Variants in PHF21B observed in about 807,000 individuals in gnomAD.
PHF21B encodes the protein PHD finger protein 21B, also known as PHD finger protein 4.
A neutral mutation model predicts 62.2 loss-of-function variants in PHF21B; 22 were observed. The observed-to-expected ratio is 0.35, with a 90% CI of 0.25 to 0.51. The LOEUF (loss-of-function observed/expected upper bound fraction) is 0.51, where lower values mean the gene tolerates loss of function less well. Among genes scored for constraint, PHF21B ranks in the 20% least tolerant of loss-of-function variants. The probability of loss-of-function intolerance (pLI) is 0.97; values close to 1 mark genes in which losing one functional copy is unlikely to be tolerated. For synonymous variants in PHF21B, 341 were observed against 314.7 expected (o/e 1.08, Z -0.88); for missense variants, 701 against 707.9 (o/e 0.99, Z 0.11).
rs895023834 is a variant in PHF21B, at chr22:44,938,833, C to T, written c.121-18343G>A. Among the ~76,000 whole-genome samples the T allele has an allele frequency of 7.2e-5, 11 of 152,288 alleles. No individual in the cohort carries two copies. The South Asian group carries it at 1.0e-3, about 14-fold the overall frequency. On this transcript the variant is annotated intron_variant, in intron 2 of 12. Coordinates refer to ENST00000313237, the MANE Select transcript of PHF21B (RefSeq NM_138415.5). ...GAATATGGGGCAGGAAATCTGGATG[C>T]GCCATTATGGAAATAAATGCACTCT...
intron 6 of PHF21B, among the ~76,000 whole-genome samples, chr22:44,895,415 T>C (rs2071038748): frequency 6.6e-6 from 1 of 152,220 alleles, no homozygotes; most frequent in East Asian, 1.9e-4. Flanking sequence ...AGAGTCACAG[T>C]GCCCTGTCTG....
intron 2 of PHF21B, among the ~76,000 whole-genome samples, chr22:44,938,581 G>A (rs1408882590): frequency 6.6e-6 from 1 of 152,228 alleles, no homozygotes; most frequent in Non-Finnish European, 1.5e-5. Flanking sequence ...AACCCTCATA[G>A]AAAGGCAGGG....
intron 2 of PHF21B, among the ~76,000 whole-genome samples, chr22:44,959,001 C>T (rs2072362601): frequency 1.3e-5 from 2 of 151,986 alleles, no homozygotes; most frequent in South Asian, 2.1e-4. Context: ...GGTTCCATGG[C>T]CGGCCCCGCT....
intron 5 of PHF21B, among the ~76,000 whole-genome samples, chr22:44,902,960 G>A (rs1033712632): frequency 6.6e-5 from 10 of 152,158 alleles, no homozygotes; most frequent in African/African-American, 1.9e-4. Flanking sequence ...TCCTGCCAAG[G>A]CAATTGACTT....
chr22:44,889,266 T>G (rs2070917097), intron 9 of PHF21B, among the ~76,000 whole-genome samples: 1 of 105,718 alleles, frequency 9.5e-6, no homozygotes, highest in African/African-American at 3.7e-5. Flanking sequence ...ATGTGGTGTG[T>G]GCACGGGTAG....
chr22:44,996,118 AGGG>A (rs1403888492), intron 2 of PHF21B, among the ~76,000 whole-genome samples: 1 of 152,090 alleles, frequency 6.6e-6, no homozygotes, highest in Non-Finnish European at 1.5e-5. Flanking sequence ...ACATGACAAC[AGGG>A]GGGTGCTGGG....
At chr22:45,005,775 T>C (rs2147544449) in intron 2 of PHF21B, among the ~76,000 whole-genome samples, 1 of 152,294 alleles carries the variant, frequency 6.6e-6, no homozygotes, top group East Asian at 1.9e-4. Flanking sequence ...AGAAAACATC[T>C]CTGGAGGTGG....
chr22:44,905,040 T>A, intron 5 of PHF21B, among the ~76,000 whole-genome samples: 1 of 152,206 alleles, frequency 6.6e-6, no homozygotes, highest in Non-Finnish European at 1.5e-5. Flanking sequence ...GATTTGCTTT[T>A]ATTAATCCCA....
At chr22:44,905,019 C>G (rs972356087) in intron 5 of PHF21B, among the ~76,000 whole-genome samples, 3 of 152,158 alleles carry the variant, frequency 2.0e-5, no homozygotes, top group Non-Finnish European at 4.4e-5. Flanking sequence ...ACATGAATCT[C>G]TAGCCTCCTA....
At chr22:44,999,195 C>T (rs1444078851) in intron 2 of PHF21B, among the ~76,000 whole-genome samples, 3 of 152,158 alleles carry the variant, frequency 2.0e-5, no homozygotes, top group African/African-American at 7.2e-5. Flanking sequence ...GAAGTCACCA[C>T]CAAAAACAAC....
intron 5 of PHF21B, among the ~76,000 whole-genome samples, chr22:44,898,665 A>G (rs1172365389): frequency 6.6e-6 from 1 of 152,244 alleles, no homozygotes; most frequent in Non-Finnish European, 1.5e-5. Flanking sequence ...ATTTTAAATT[A>G]AATTGTAATG....
intron 2 of PHF21B, among the ~76,000 whole-genome samples, chr22:44,920,776 G>T (rs979878011): frequency 2.0e-5 from 3 of 152,298 alleles, no homozygotes; most frequent in Admixed American, 6.5e-5. Context: ...AATATAGAAT[G>T]TTGTAACCTA....
chr22:44,955,993 G>A (rs1473200950), intron 2 of PHF21B, among the ~76,000 whole-genome samples: 1 of 152,204 alleles, frequency 6.6e-6, no homozygotes, highest in Non-Finnish European at 1.5e-5. Context: ...CCACGACAGG[G>A]AGGCACGGTG....
intron 2 of PHF21B, among the ~76,000 whole-genome samples, chr22:44,968,063 G>T (rs1263373668): frequency 3.3e-5 from 5 of 152,120 alleles, no homozygotes; most frequent in African/African-American, 9.7e-5. Context: ...CCTGGCTGAG[G>T]TGTGACTGTC....
chr22:45,009,686 C>CA lies in PHF21B; in HGVS notation c.-138dup, dbSNP rs1684799010. 11 of 807,454 alleles carry CA rather than the reference C, an allele frequency of 1.4e-5. No individual in the cohort carries two copies. The highest frequency in any genetic ancestry group is 3.7e-5 in the African/African-American group (2 of 53,920). 50.0% of individuals were successfully genotyped at this position (807,454 alleles called of 1,614,324 possible). A position where few individuals can be genotyped will look rare whatever the true frequency, so the allele number is the denominator to read the frequency against. ...TGGGGGGGACACGAGCCCCCTCCCC[C>CA]ACGGCCGAAAGGGAAGGGGGCTGGC... On this transcript the variant is annotated 5_prime_UTR_variant, in exon 1 of 13. Transcript: ENST00000313237. This position sits in a 1 kb window ranked among gnomAD's most constrained non-coding sequence, Gnocchi z 5.9.
intron 5 of PHF21B, among the ~76,000 whole-genome samples, chr22:44,896,829 T>C (rs1216747490): frequency 6.6e-6 from 1 of 152,010 alleles, no homozygotes; most frequent in Non-Finnish European, 1.5e-5. Context: ...TTTGTATACA[T>C]ATGCATGTAT....
intron 6 of PHF21B, among the ~76,000 whole-genome samples, chr22:44,895,252 G>A (rs2071036079): frequency 6.6e-6 from 1 of 152,100 alleles, no homozygotes; most frequent in Non-Finnish European, 1.5e-5. Context: ...CCCCATGGGG[G>A]CTTCCCCAAG....
chr22:45,000,562 G>A (rs1180444208), intron 2 of PHF21B: 1 of 152,180 alleles, frequency 6.6e-6, no homozygotes, highest in Non-Finnish European at 1.5e-5. Flanking sequence ...GACTACCAAA[G>A]TTATTATCAG....
chr22:44,893,225 C>T (rs1249340879), intron 7 of PHF21B, among the ~76,000 whole-genome samples: 1 of 152,228 alleles, frequency 6.6e-6, no homozygotes, highest in Non-Finnish European at 1.5e-5. Context: ...ACCAGAGAGC[C>T]TCTATTAGGA....
Sources: allele counts gnomAD v4.1 joint callset (sites outside exome capture counted in the v4.1 genomes callset), GRCh38; gene constraint gnomAD v4.1.1; non-coding constraint Gnocchi (gnomAD v3.1); transcripts MANE v1.5; gene names NCBI Gene and HGNC (gene_info 2026-07-23, HGNC 2026-07-21).